The following ADAMTS19 variants were observed in gnomAD, a reference collection of about 807,000 sequenced individuals.
The protein encoded by ADAMTS19 is ADAM metallopeptidase with thrombospondin type 1 motif 19.
Under a neutral mutation model 153.3 loss-of-function variants are expected in ADAMTS19, and 93 were observed. The observed-to-expected ratio is 0.61, with a 90% CI of 0.51 to 0.72. ADAMTS19 has a LOEUF of 0.72. Among genes scored for constraint, ADAMTS19 ranks in the 30% least tolerant of loss-of-function variants. ADAMTS19 has a pLI of 0.00. For missense variants in ADAMTS19, 1,482 were observed against 1,552.1 expected (o/e 0.95, Z 0.76); for synonymous variants, 600 against 556.6 (o/e 1.08, Z -1.10).
chr5:129,538,642 T>A (rs10078992), intron 6 of ADAMTS19, among the ~76,000 whole-genome samples: 13,647 of 152,056 alleles, frequency 0.09, 688 homozygotes, highest in Middle Eastern at 0.15. Flanking sequence ...AAGAATAACA[T>A]AATTAACAAC....
intron 2 of ADAMTS19, among the ~76,000 whole-genome samples, chr5:129,484,882 C>G (rs1440662609): frequency 6.6e-6 from 1 of 152,022 alleles, no homozygotes; most frequent in Non-Finnish European, 1.5e-5. Flanking sequence ...TTTTGACATC[C>G]ATACCAACCA....
At chr5:129,607,099 T>G (rs1750937127) in intron 8 of ADAMTS19, among the ~76,000 whole-genome samples, 1 of 152,038 alleles carries the variant, frequency 6.6e-6, no homozygotes. Context: ...GTATTTTTAG[T>G]AGAGACAGGG....
At chr5:129,726,199 A>G (rs1284829673) in intron 21 of ADAMTS19, among the ~76,000 whole-genome samples, 1 of 152,154 alleles carries the variant, frequency 6.6e-6, no homozygotes, top group African/African-American at 2.4e-5. Flanking sequence ...TAAATCTCGT[A>G]CATGGAGTAG....
At chr5:129,588,441 T>C (rs756986806) in intron 7 of ADAMTS19, among the ~76,000 whole-genome samples, 2 of 152,046 alleles carry the variant, frequency 1.3e-5, no homozygotes, top group Non-Finnish European at 2.9e-5. Context: ...TGTGTGTGTG[T>C]GAGAGAGAAA....
At chr5:129,560,752 TG>T (rs1753481554) in intron 7 of ADAMTS19, among the ~76,000 whole-genome samples, 1 of 152,238 alleles carries the variant, frequency 6.6e-6, no homozygotes, top group Admixed American at 6.5e-5. Flanking sequence ...TTATACATCT[TG>T]CAGCAACATT....
chr5:129,592,207 A>T (rs901186482), intron 7 of ADAMTS19, among the ~76,000 whole-genome samples: 2 of 151,822 alleles, frequency 1.3e-5, no homozygotes, highest in Non-Finnish European at 2.9e-5. Context: ...GTGAAACCCC[A>T]TCTCTACTTA....
chr5:129,513,131 A>G (rs890606274), intron 3 of ADAMTS19, among the ~76,000 whole-genome samples: 1 of 151,894 alleles, frequency 6.6e-6, no homozygotes, highest in African/African-American at 2.4e-5. Context: ...GCCTCTTCCA[A>G]TATCCTCGAC....
chr5:129,571,658 A>T (rs1021423480), intron 7 of ADAMTS19, among the ~76,000 whole-genome samples: 1 of 151,812 alleles, frequency 6.6e-6, no homozygotes, highest in African/African-American at 2.4e-5. Context: ...TTTTGTAGAT[A>T]TAGACAAGAT....
In ADAMTS19 at chr5:129,608,086, A is replaced by ATGTGTGTGTG. The variant is rs1360467704; in HGVS notation, c.1478+11423_1478+11424insGTGTGTGTGT. Among the ~76,000 whole-genome samples, 21 of 57,230 alleles carry ATGTGTGTGTG rather than the reference A, an allele frequency of 3.7e-4. 5 individuals carry two copies. Among genetic ancestry groups the ATGTGTGTGTG allele is most frequent in the Non-Finnish European group, 5.7e-4 (17 of 30,046 alleles). 37.5% of individuals were successfully genotyped at this position (57,230 alleles called of 152,430 possible). ...ATTCATTATATAATTGGAATTTTAT[A>ATGTGTGTGTG]TATATGTGTGTGTGTGTGTGTGTGT... On this transcript the variant is annotated intron_variant, in intron 8 of 22. Coordinates refer to ENST00000274487, the MANE Select transcript of ADAMTS19 (RefSeq NM_133638.6).
intron 10 of ADAMTS19, among the ~76,000 whole-genome samples, chr5:129,635,904 A>C (rs1166800088): frequency 6.6e-6 from 1 of 151,966 alleles, no homozygotes; most frequent in Non-Finnish European, 1.5e-5. Context: ...TTATTTATTT[A>C]TTTATTATTT....
chr5:129,503,432 CAT>C (rs1327340398), intron 2 of ADAMTS19, among the ~76,000 whole-genome samples: 2 of 152,100 alleles, frequency 1.3e-5, no homozygotes, highest in Admixed American at 1.3e-4. Context: ...ATAAGAAAAA[CAT>C]GAGGTATTAT....
chr5:129,492,337 GA>G (rs1750794398), intron 2 of ADAMTS19, among the ~76,000 whole-genome samples: 1 of 152,114 alleles, frequency 6.6e-6, no homozygotes, highest in African/African-American at 2.4e-5. Context: ...CAACACTGGG[GA>G]TAACAATTCA....
intron 15 of ADAMTS19, among the ~76,000 whole-genome samples, chr5:129,659,190 G>A (rs1753721099): frequency 6.6e-6 from 1 of 151,936 alleles, no homozygotes; most frequent in Non-Finnish European, 1.5e-5. Flanking sequence ...GAAACAGAGG[G>A]TCCATGACAT....
chr5:129,502,787 C>T (rs1751145594), intron 2 of ADAMTS19, among the ~76,000 whole-genome samples: 1 of 152,148 alleles, frequency 6.6e-6, no homozygotes. Context: ...CATTTGAGCA[C>T]CTGTTATATA....
At chr5:129,648,349 GAATTCTAGCA>G (rs1157770371) in intron 12 of ADAMTS19, among the ~76,000 whole-genome samples, 1 of 152,168 alleles carries the variant, frequency 6.6e-6, no homozygotes, top group Non-Finnish European at 1.5e-5. Context: ...ATTCCTAGAG[GAATTCTAGCA>G]AAGTATGAGA....
rs950254362 is a variant in ADAMTS19 at position 129,717,072 on chromosome 5, C to T, written c.3312+12681C>T. 2.0e-5 allele frequency among the ~76,000 whole-genome samples: 3 copies of T among 152,292 alleles called. No individual in the cohort carries two copies. The South Asian group carries it at 6.2e-4, about 32-fold the overall frequency. On this transcript the variant is annotated intron_variant, in intron 21 of 22. Coordinates refer to ENST00000274487, the MANE Select transcript of ADAMTS19 (RefSeq NM_133638.6). ...AGTCCTCAAAGACCAGCTGGAGTAC[C>T]TAGTTTCTCAAAGGGCTTCATCAAT...
chr5:129,638,618 TTATAA>T (rs1234804497), intron 10 of ADAMTS19, among the ~76,000 whole-genome samples: 4 of 151,614 alleles, frequency 2.6e-5, no homozygotes, highest in Non-Finnish European at 5.9e-5. Flanking sequence ...ATTCTAATAA[TTATAA>T]TAAAGTTCTG....
At chr5:129,467,314 T>G (rs2126643599) in intron 2 of ADAMTS19, among the ~76,000 whole-genome samples, 1 of 152,208 alleles carries the variant, frequency 6.6e-6, no homozygotes, top group African/African-American at 2.4e-5. Flanking sequence ...CCAAGATTAG[T>G]TAGGGAGAGG....
chr5:129,612,612 A>C (rs1043132426), intron 8 of ADAMTS19, among the ~76,000 whole-genome samples: 1 of 152,178 alleles, frequency 6.6e-6, no homozygotes. Context: ...CATCGATGCT[A>C]GGAAGAAACT....
Sources: allele counts gnomAD v4.1 joint callset (sites outside exome capture counted in the v4.1 genomes callset), GRCh38; gene constraint gnomAD v4.1.1; transcripts MANE v1.5; gene names NCBI Gene and HGNC (gene_info 2026-07-23, HGNC 2026-07-21).